The following MDGA2 variants were observed in gnomAD, a reference collection of about 807,000 sequenced individuals.
MDGA2 encodes MAM domain containing glycosylphosphatidylinositol anchor 2.
A neutral mutation model predicts 117.8 loss-of-function variants in MDGA2; 40 were observed. The ratio of observed to expected loss-of-function variants is 0.34; its 90% confidence interval spans 0.26 to 0.44. The LOEUF is 0.44. Ranked by LOEUF, MDGA2 falls within the 20% of genes least tolerant of loss-of-function variation. The pLI is 1.00. For missense variants in MDGA2, 1,123 were observed against 1,250.6 expected, an observed-to-expected ratio of 0.90 and a Z score of 1.54; for synonymous variants, 452 against 439.0, an observed-to-expected ratio of 1.03 and a Z score of -0.37.
intron 1 of MDGA2, among the ~76,000 whole-genome samples, chr14:47,670,944 C>T (rs1232793960): frequency 6.6e-6 from 1 of 151,928 alleles, no homozygotes; most frequent in East Asian, 1.9e-4. Flanking sequence ...GGGTAGTATC[C>T]ATTAAAATTG....
chr14:47,274,032 A>G (rs1435408574), intron 2 of MDGA2, among the ~76,000 whole-genome samples: 1 of 152,040 alleles, frequency 6.6e-6, no homozygotes, highest in Admixed American at 6.6e-5. Context: ...TAGGGCTTTT[A>G]TTTTTTTAAC....
intron 3 of MDGA2, among the ~76,000 whole-genome samples, chr14:47,164,168 A>C (rs1883764536): frequency 6.6e-6 from 1 of 152,214 alleles, no homozygotes; most frequent in African/African-American, 2.4e-5. Context: ...ATGAGTATTA[A>C]TCAATAGATA....
chr14:47,115,438 G>A (rs996705466), intron 5 of MDGA2, among the ~76,000 whole-genome samples: 9 of 151,920 alleles, frequency 5.9e-5, no homozygotes, highest in East Asian at 3.9e-4. Context: ...TAAGAAACCC[G>A]AGAAATATAT....
At chr14:46,945,984 T>C (rs1371112344) in intron 9 of MDGA2, among the ~76,000 whole-genome samples, 1 of 152,002 alleles carries the variant, frequency 6.6e-6, no homozygotes, top group East Asian at 1.9e-4. Flanking sequence ...TTAACAAATA[T>C]GGTTAAGTAG....
intron 1 of MDGA2, among the ~76,000 whole-genome samples, chr14:47,543,991 G>A (rs1895405503): frequency 6.6e-6 from 1 of 152,082 alleles, no homozygotes; most frequent in Non-Finnish European, 1.5e-5. Flanking sequence ...ATATTTACTA[G>A]GAAACATTTA....
intron 1 of MDGA2, among the ~76,000 whole-genome samples, chr14:47,415,081 T>A (rs1594845649): frequency 6.6e-6 from 1 of 152,148 alleles, no homozygotes; most frequent in South Asian, 2.1e-4. Context: ...ACTATTCTGA[T>A]GTGATGAAGA....
intron 3 of MDGA2, among the ~76,000 whole-genome samples, chr14:47,213,949 A>C (rs1359851932): frequency 6.6e-6 from 1 of 152,142 alleles, no homozygotes; most frequent in Non-Finnish European, 1.5e-5. Flanking sequence ...TGAGCACAGA[A>C]TGGAAAGAGT....
intron 3 of MDGA2, among the ~76,000 whole-genome samples, chr14:47,152,805 T>C (rs543998587): frequency 1.3e-5 from 2 of 152,290 alleles, no homozygotes; most frequent in African/African-American, 2.4e-5. Flanking sequence ...CCTGAAAAGA[T>C]GATGCCTGAA....
chr14:46,921,214 T>C (rs865781047), intron 9 of MDGA2, among the ~76,000 whole-genome samples: 60 of 152,298 alleles, frequency 3.9e-4, no homozygotes, highest in African/African-American at 1.4e-3. Context: ...ACATTTTTTT[T>C]CCAGACTTTT....
intron 1 of MDGA2, among the ~76,000 whole-genome samples, chr14:47,457,609 C>T (rs1485906283): frequency 1.3e-5 from 2 of 152,090 alleles, no homozygotes; most frequent in Admixed American, 6.5e-5. Context: ...GACTTGTATT[C>T]TACAATGTTA....
At chr14:47,227,777 T>A (rs1886559211) in intron 2 of MDGA2, among the ~76,000 whole-genome samples, 1 of 152,228 alleles carries the variant, frequency 6.6e-6, no homozygotes, top group African/African-American at 2.4e-5. Context: ...GAGTTTAGTC[T>A]ATTTTGGTGG....
At chr14:46,949,425 T>C (rs564000163) in intron 9 of MDGA2, among the ~76,000 whole-genome samples, 133 of 152,128 alleles carry the variant, frequency 8.7e-4, no homozygotes, top group African/African-American at 3.1e-3. Context: ...ATGCTGAGGT[T>C]TGGGCTTCTA....
rs531271776 is a variant in MDGA2, at chr14:47,373,579, G to A, written c.281-72029C>T. Among the ~76,000 whole-genome samples, 391 of 152,116 alleles carry A rather than the reference G, an allele frequency of 2.6e-3. 4 individuals are homozygous for A. Among genetic ancestry groups the A allele is most frequent in the African/African-American group, 8.8e-3 (365 of 41,522 alleles). The stretch of plus-strand genomic sequence containing the variant: ...AAAAGACCACATAGTATATGGTTAC[G>A]TTCATATAGACCTCCAGAAAAAGGA... On this transcript the variant is annotated intron_variant, in intron 1 of 16. Coordinates refer to ENST00000399232, the MANE Select transcript of MDGA2 (RefSeq NM_001113498.3).
intron 8 of MDGA2, among the ~76,000 whole-genome samples, chr14:46,972,963 G>T (rs1886324529): frequency 6.6e-6 from 1 of 152,030 alleles, no homozygotes; most frequent in Non-Finnish European, 1.5e-5. Flanking sequence ...ATGGGCCAAA[G>T]ACCTTAACAG....
chr14:47,373,141 T>C (rs1160199264), intron 1 of MDGA2, among the ~76,000 whole-genome samples: 4 of 152,096 alleles, frequency 2.6e-5, no homozygotes, highest in Non-Finnish European at 5.9e-5. Context: ...TAGGCTATTA[T>C]CTTTGATCAT....
intron 1 of MDGA2, among the ~76,000 whole-genome samples, chr14:47,613,928 T>C (rs1594944228): frequency 6.6e-6 from 1 of 152,140 alleles, no homozygotes; most frequent in Non-Finnish European, 1.5e-5. Context: ...ATGGCTACTA[T>C]GTAGCTCTAT....
rs559747131 is a variant in MDGA2, at chr14:47,145,830, A to T, written c.596-1556T>A. On this transcript the variant is annotated intron_variant, in intron 3 of 16. Transcript: ENST00000399232. ...TAAAAGTTGGCTATTACTATTATTAATAATATTACTATCATTATTGGAGTC... is the reference window on the plus strand; with the variant it reads ...TAAAAGTTGGCTATTACTATTATTATTAATATTACTATCATTATTGGAGTC... Among the ~76,000 whole-genome samples the T allele has an allele frequency of 3.9e-5, 6 of 152,248 alleles. No homozygotes were observed. In the East Asian group the frequency reaches 1.2e-3, roughly 29 times the overall value.
intron 5 of MDGA2, among the ~76,000 whole-genome samples, chr14:47,129,680 A>G (rs1227773449): frequency 4.7e-5 from 7 of 149,414 alleles, no homozygotes; most frequent in Admixed American, 1.3e-4. Context: ...GACTTCCACA[A>G]TGGTTGAACT....
intron 1 of MDGA2, among the ~76,000 whole-genome samples, chr14:47,544,444 A>G (rs17118906): frequency 0.04 from 6,043 of 152,186 alleles, 408 homozygotes; most frequent in African/African-American, 0.14. Flanking sequence ...TTCAAATCCA[A>G]TTCTGAATGA....
Sources: allele counts gnomAD v4.1 joint callset (sites outside exome capture counted in the v4.1 genomes callset), GRCh38; gene constraint gnomAD v4.1.1; transcripts MANE v1.5; gene names NCBI Gene and HGNC (gene_info 2026-07-23, HGNC 2026-07-21).